RNF214: variants seen among roughly 807,000 people sequenced by gnomAD.
RNF214 encodes the protein ring finger protein 214.
Under a neutral mutation model 75.9 loss-of-function variants are expected in RNF214, and 25 were observed. The ratio of observed to expected loss-of-function variants is 0.33; its 90% confidence interval spans 0.24 to 0.46. RNF214 has a LOEUF of 0.46. RNF214 is among the 20% of genes least tolerant of loss of function. The pLI is 1.00. For missense variants in RNF214, 725 were observed against 857.5 expected, an observed-to-expected ratio of 0.85 and a Z score of 1.93; for synonymous variants, 314 against 308.8, an observed-to-expected ratio of 1.02 and a Z score of -0.18.
chr11:117,280,321 G>GT (rs1305962327), intron 8 of RNF214, 62 bp downstream of exon 8: 20 of 1,050,830 alleles, frequency 1.9e-5, no homozygotes, highest in Admixed American at 1.3e-4. Flanking sequence ...GTTTGTTTAG[G>GT]TTTTTTCATT....
chr11:117,267,597 T>C (rs991292146), intron 6 of RNF214, among the ~76,000 whole-genome samples: 3 of 151,846 alleles, frequency 2.0e-5, no homozygotes, highest in Non-Finnish European at 4.4e-5. Context: ...AGAGTGGTAG[T>C]GCATGCCTGT....
At position 117,281,297 on chromosome 11, in the gene RNF214, T is replaced by G; in HGVS notation, c.1146-17T>G. On this transcript the variant is annotated splice_polypyrimidine_tract_variant and intron_variant, in intron 8 of 14. Coordinates refer to ENST00000300650, the MANE Select transcript of RNF214 (RefSeq NM_207343.4). Reference sequence around the variant, plus strand: ...GGCTTTCTTTAAATCTGTAAATTCCTGTTGGTTTCTTGAAAGGTCAACTCC... The same window carrying G: ...GGCTTTCTTTAAATCTGTAAATTCCGGTTGGTTTCTTGAAAGGTCAACTCC... 6.3e-7 allele frequency: 1 copy of G among 1,588,630 alleles called. No individual in the cohort carries two copies. The highest frequency in any genetic ancestry group is 2.2e-5 in the East Asian group (1 of 44,716).
chr11:117,280,513 A>T (rs1260853591), intron 8 of RNF214, among the ~76,000 whole-genome samples: 2 of 152,180 alleles, frequency 1.3e-5, no homozygotes, highest in African/African-American at 4.8e-5. Context: ...TTGGATAAAC[A>T]CTATCTGTTA....
At chr11:117,236,053 C>T (rs898025674) in intron 2 of RNF214, among the ~76,000 whole-genome samples, 12 of 151,610 alleles carry the variant, frequency 7.9e-5, no homozygotes, top group African/African-American at 2.4e-4. Context: ...CTCTGCCTCC[C>T]GGGTTCAAGT....
rs150370301 is a variant in RNF214, at chr11:117,268,059, A to G, written c.960-11849A>G. ...AGCCAAGCCAAGGTAACCCTTTACA[A>G]TACACACTTTTAAGATAAACAATTG... On this transcript the variant is annotated intron_variant, in intron 6 of 14. Transcript: ENST00000300650. 4.3e-3 allele frequency among the ~76,000 whole-genome samples: 649 copies of G among 152,360 alleles called. 1 individual carries two copies. Among genetic ancestry groups the G allele is most frequent in the Middle Eastern group, 0.02 (6 of 294 alleles).
chr11:117,260,023 G>A (rs1161318106), intron 6 of RNF214, among the ~76,000 whole-genome samples: 2 of 151,274 alleles, frequency 1.3e-5, no homozygotes, highest in Non-Finnish European at 2.9e-5. Context: ...TGTTATGGAC[G>A]CTTTATCATT....
At chr11:117,270,931 C>T (rs1408617423) in intron 6 of RNF214, among the ~76,000 whole-genome samples, 1 of 151,778 alleles carries the variant, frequency 6.6e-6, no homozygotes, top group African/African-American at 2.4e-5. Flanking sequence ...GAATGTGGCT[C>T]TGTCCCCCAG....
At chr11:117,233,442 T>C (rs946508654) in intron 1 of RNF214, among the ~76,000 whole-genome samples, 1 of 152,226 alleles carries the variant, frequency 6.6e-6, no homozygotes, top group Non-Finnish European at 1.5e-5. Context: ...ATACGTGTGA[T>C]GCTGTTAAAA....
At chr11:117,276,642 A>G (rs2034021432) in intron 6 of RNF214, among the ~76,000 whole-genome samples, 1 of 152,144 alleles carries the variant, frequency 6.6e-6, no homozygotes, top group South Asian at 2.1e-4. Flanking sequence ...CATTTTTGCT[A>G]TTGTTGCATG....
rs1170969607 is a variant in RNF214 at position 117,249,686 on chromosome 11, G to GT, written c.959+2741dup. Among the ~76,000 whole-genome samples, 5 of 152,208 alleles carry GT rather than the reference G, an allele frequency of 3.3e-5. 1 individual carries two copies. The highest frequency in any genetic ancestry group is 3.3e-4 in the Admixed American group (5 of 15,288). On this transcript the variant is annotated intron_variant, in intron 6 of 14. Transcript: ENST00000300650. ...AAATCCGACATAAAGATGCTGGCAG[G>GT]TTTGGTTTCTGGTGAGAATCTTTTC...
intron 2 of RNF214, among the ~76,000 whole-genome samples, chr11:117,236,554 GAGCCACCGCACC>G (rs2032917064): frequency 6.6e-6 from 1 of 152,236 alleles, no homozygotes; most frequent in Non-Finnish European, 1.5e-5. Context: ...TTACAGGCAT[GAGCCACCGCACC>G]TGGCCGTCCC....
At chr11:117,247,839 A>G (rs1212033690) in intron 6 of RNF214, among the ~76,000 whole-genome samples, 1 of 149,888 alleles carries the variant, frequency 6.7e-6, no homozygotes, top group Non-Finnish European at 1.5e-5. Context: ...GCCTGGCAAC[A>G]GAGTGAGACC....
intron 6 of RNF214, among the ~76,000 whole-genome samples, chr11:117,268,653 T>C (rs1385576850): frequency 6.6e-6 from 1 of 152,252 alleles, no homozygotes; most frequent in Non-Finnish European, 1.5e-5. Context: ...TTTTCCAAAA[T>C]TGTTTTGAAT....
intron 6 of RNF214, among the ~76,000 whole-genome samples, chr11:117,262,673 T>C (rs2134394026): frequency 6.6e-6 from 1 of 151,426 alleles, no homozygotes; most frequent in South Asian, 2.1e-4. Context: ...TGAGCTACCA[T>C]GCCTGGCCCT....
In RNF214 at chr11:117,281,976, C is replaced by G; in HGVS notation, c.1418C>G (p.Pro473Arg). The change falls in exon 11 of 15, where the codon CCC becomes CGC. Residue 473 changes from proline (P) to arginine (R), a missense_variant. By Grantham distance (103) the Pro-to-Arg change is moderately radical. Around this residue, in one of 2 missense-constraint regions of RNF214, gnomAD observed 363 missense variants for 513.0 expected, o/e 0.71. Transcript: ENST00000300650. The stretch of plus-strand genomic sequence containing the variant: ...TTCTCCATTGGGCAGGTCACAATGC[C>G]CATGGTTATGCCCAGTGCAGATCCC... ...MPFSIGQVTM[P>R]MVMPSADPRS... 6.2e-7 allele frequency: 1 copy of G among 1,614,162 alleles called. No homozygotes were observed. The highest frequency in any genetic ancestry group is 8.5e-7 in the Non-Finnish European group (1 of 1,180,042).
chr11:117,258,397 C>T (rs571720445), intron 6 of RNF214, among the ~76,000 whole-genome samples: 1 of 152,130 alleles, frequency 6.6e-6, no homozygotes, highest in East Asian at 1.9e-4. Flanking sequence ...AGAGGAGACA[C>T]CACACGAGGT....
chr11:117,238,783 C>T lies in RNF214; in HGVS notation c.290C>T (p.Ala97Val), dbSNP rs768977285. 6 of 1,614,044 alleles carry T rather than the reference C, an allele frequency of 3.7e-6. No homozygotes were observed. ...TTAGGAGAAAACTTGATAGCCACAG[C>T]CCTTTGTCTTTCTGGCAGTGGGTCT... Reference protein sequence around the residue: ...VVLGENLIATALCLSGSGSQS... With the variant: ...VVLGENLIATVLCLSGSGSQS... Residue 97 changes from alanine to valine, a missense_variant, in exon 3 of 15, where the codon GCC (alanine) becomes GTC (valine). Around this residue, in one of 2 missense-constraint regions of RNF214, gnomAD observed 362 missense variants for 344.5 expected, o/e 1.05. Transcript: ENST00000300650.
chr11:117,240,899 C>T (rs2033061088), intron 4 of RNF214, among the ~76,000 whole-genome samples: 1 of 152,042 alleles, frequency 6.6e-6, no homozygotes, highest in Non-Finnish European at 1.5e-5. Context: ...AAAATTTAGA[C>T]CAGCCACGGT....
chr11:117,253,093 G>T (rs962583090), intron 6 of RNF214, among the ~76,000 whole-genome samples: 1 of 152,026 alleles, frequency 6.6e-6, no homozygotes, highest in South Asian at 2.1e-4. Context: ...GCTCACTAAA[G>T]CCTTGAACTC....
Sources: allele counts gnomAD v4.1 joint callset (sites outside exome capture counted in the v4.1 genomes callset), GRCh38; gene constraint gnomAD v4.1.1; regional missense constraint gnomAD v4.1.1; transcripts MANE v1.5; gene names NCBI Gene and HGNC (gene_info 2026-07-23, HGNC 2026-07-21).